The following KHDRBS3 variants were observed in gnomAD, a reference collection of about 807,000 sequenced individuals.
KHDRBS3 encodes the protein KH RNA binding domain containing, signal transduction associated 3.
A neutral mutation model predicts 45.6 loss-of-function variants in KHDRBS3; 23 were observed. That is an observed-to-expected ratio of 0.50 (90% CI 0.36 to 0.72). The LOEUF (loss-of-function observed/expected upper bound fraction) is 0.72. Ranked by LOEUF, KHDRBS3 falls within the 30% of genes least tolerant of loss-of-function variation. The pLI is 0.00. For synonymous variants in KHDRBS3, 162 were observed against 156.5 expected (o/e 1.04, Z -0.26); for missense variants, 352 against 424.8 (o/e 0.83, Z 1.51).
At chr8:135,607,267 CT>C (rs1474862931) in intron 7 of KHDRBS3, among the ~76,000 whole-genome samples, 4 of 152,128 alleles carry the variant, frequency 2.6e-5, no homozygotes, top group African/African-American at 9.7e-5. Context: ...AAATTTTAGT[CT>C]AAAAATTCAA....
chr8:135,466,323 T>C (rs750955180), intron 1 of KHDRBS3, among the ~76,000 whole-genome samples: 6 of 152,198 alleles, frequency 3.9e-5, no homozygotes, highest in Non-Finnish European at 7.3e-5. Flanking sequence ...CACGTGAATT[T>C]AGTTTTGTTG....
chr8:135,514,002 C>T (rs2130603605), intron 1 of KHDRBS3, among the ~76,000 whole-genome samples: 1 of 152,236 alleles, frequency 6.6e-6, no homozygotes, highest in Middle Eastern at 3.4e-3. Context: ...GAACTGTCTC[C>T]TGATATCACA....
At chr8:135,526,292 A>G (rs1162045235) in intron 2 of KHDRBS3, among the ~76,000 whole-genome samples, 4 of 151,958 alleles carry the variant, frequency 2.6e-5, no homozygotes, top group Admixed American at 2.6e-4. Context: ...GCTTTGAGGT[A>G]AGGGAAGAAA....
intron 4 of KHDRBS3, among the ~76,000 whole-genome samples, chr8:135,655,214 T>C (rs1831507581): frequency 6.6e-6 from 1 of 152,254 alleles, no homozygotes; most frequent in African/African-American, 2.4e-5. Context: ...AGTTTGCATC[T>C]GATTCATCCT....
rs1259416216 is a variant in KHDRBS3 at position 135,548,834 on chromosome 8, C to G, written c.405C>G (p.Ala135=). Reference sequence around the variant, plus strand: ...TCCATGTTCTCATTGAAGTGTTTGCCCCACCTGCAGAAGCTTATGCCAGGA... The same window carrying G: ...TCCATGTTCTCATTGAAGTGTTTGCGCCACCTGCAGAAGCTTATGCCAGGA... ...DDLHVLIEVF[A]PPAEAYARMG... is the part of the protein sequence containing the mutation. Residue 135 remains alanine (A), a synonymous_variant, in exon 4 of 9, where the codon GCC becomes GCG. Transcript: ENST00000355849. 1 of 1,604,650 alleles carries G rather than the reference C, an allele frequency of 6.2e-7. No individual in the cohort carries two copies. Among genetic ancestry groups the G allele is most frequent in the Admixed American group, 1.7e-5 (1 of 59,198 alleles).
rs558510625 is a variant in KHDRBS3, at chr8:135,551,394, C to T, written c.471+2494C>T. 2.0e-5 allele frequency among the ~76,000 whole-genome samples: 3 copies of T among 152,124 alleles called. No homozygotes were observed. The East Asian group carries it at 5.8e-4, about 29-fold the overall frequency. On this transcript the variant is annotated intron_variant, in intron 4 of 8. Transcript: ENST00000355849. ...GCTATAGGTTTTTTTTATTGCTACCCTTTGTCATGTTGAAGAAGTTCTCTT... is the reference window on the plus strand; with the variant it reads ...GCTATAGGTTTTTTTTATTGCTACCTTTTGTCATGTTGAAGAAGTTCTCTT...
intron 2 of KHDRBS3, among the ~76,000 whole-genome samples, chr8:135,522,876 A>T (rs965272358): frequency 2.0e-5 from 3 of 152,038 alleles, no homozygotes; most frequent in African/African-American, 7.2e-5. Flanking sequence ...TTTTTCCCAT[A>T]TGGTTATCTA....
At chr8:135,530,037 G>C (rs1042858820) in intron 2 of KHDRBS3, among the ~76,000 whole-genome samples, 1 of 147,780 alleles carries the variant, frequency 6.8e-6, no homozygotes, top group Non-Finnish European at 1.5e-5. Flanking sequence ...GAGCCTGGGG[G>C]CACAAAGTGA....
downstream of KHDRBS3, among the ~76,000 whole-genome samples, chr8:135,649,124 G>A (rs573908241): frequency 2.0e-5 from 3 of 152,196 alleles, no homozygotes; most frequent in East Asian, 5.8e-4. Flanking sequence ...TTCATAAAAT[G>A]TAAAAATCTG....
rs571519955 is a variant in KHDRBS3 at position 135,519,434 on chromosome 8, A to T, written c.89-1803A>T. Among the ~76,000 whole-genome samples, 4 of 152,182 alleles carry T rather than the reference A, an allele frequency of 2.6e-5. No individual in the cohort carries two copies. In the South Asian group the frequency reaches 8.3e-4, roughly 32 times the overall value. On this transcript the variant is annotated intron_variant, in intron 1 of 8. Transcript: ENST00000355849. ...CTACCCAGATTTCTGCCTAACTACAAATTTGGAGGCTCCAGGATCCTTCCT... is the reference window on the plus strand; with the variant it reads ...CTACCCAGATTTCTGCCTAACTACATATTTGGAGGCTCCAGGATCCTTCCT...
At chr8:135,473,035 AGT>A (rs1491274318) in intron 1 of KHDRBS3, among the ~76,000 whole-genome samples, 2 of 75,470 alleles carry the variant, frequency 2.7e-5, no homozygotes, top group Admixed American at 3.1e-4. Flanking sequence ...TTATTTGAAA[AGT>A]TTTTTTTTTT....
intron 7 of KHDRBS3, among the ~76,000 whole-genome samples, chr8:135,633,405 CCA>C (rs1830686175): frequency 6.6e-6 from 1 of 152,230 alleles, no homozygotes; most frequent in African/African-American, 2.4e-5. Context: ...GCTGTGCACC[CCA>C]GTTTGCATAT....
chr8:135,543,228 G>T (rs888742537), intron 3 of KHDRBS3, among the ~76,000 whole-genome samples: 1 of 151,924 alleles, frequency 6.6e-6, no homozygotes, highest in East Asian at 1.9e-4. Context: ...TATTAAAATT[G>T]ATTTTAAGTG....
chr8:135,487,836 G>A (rs1822941702), intron 1 of KHDRBS3, among the ~76,000 whole-genome samples: 1 of 152,196 alleles, frequency 6.6e-6, no homozygotes, highest in Non-Finnish European at 1.5e-5. Flanking sequence ...TATCTGTACT[G>A]ATTAATGGAA....
chr8:135,493,042 T>C (rs1190438032), intron 1 of KHDRBS3, among the ~76,000 whole-genome samples: 1 of 152,122 alleles, frequency 6.6e-6, no homozygotes, highest in Non-Finnish European at 1.5e-5. Context: ...ACACATTTTA[T>C]TAAATTTATC....
intron 4 of KHDRBS3, among the ~76,000 whole-genome samples, chr8:135,655,206 T>C (rs1162661338): frequency 1.3e-5 from 2 of 152,236 alleles, no homozygotes; most frequent in Admixed American, 1.3e-4. Context: ...TAAATAACAG[T>C]TTGCATCTGA....
chr8:135,472,212 C>T (rs759443424), intron 1 of KHDRBS3, among the ~76,000 whole-genome samples: 9 of 152,184 alleles, frequency 5.9e-5, no homozygotes, highest in Non-Finnish European at 1.2e-4. Context: ...GCAGTGTGGG[C>T]ACTAGCCTTG....
At chr8:135,498,294 C>G (rs1315348837) in intron 1 of KHDRBS3, among the ~76,000 whole-genome samples, 2 of 152,088 alleles carry the variant, frequency 1.3e-5, no homozygotes, top group African/African-American at 4.8e-5. Context: ...CTAAGTGGTT[C>G]AACTACCGTA....
At chr8:135,540,917 C>T (rs1323198082) in intron 2 of KHDRBS3, 2 of 152,140 alleles carry the variant, frequency 1.3e-5, no homozygotes, top group Non-Finnish European at 2.9e-5. Context: ...GAGAAAGAGA[C>T]CAGCTCACAA....
Sources: allele counts gnomAD v4.1 joint callset (sites outside exome capture counted in the v4.1 genomes callset), GRCh38; gene constraint gnomAD v4.1.1; transcripts MANE v1.5; gene names NCBI Gene and HGNC (gene_info 2026-07-23, HGNC 2026-07-21).